Variants in TRPV3 observed in about 807,000 individuals in gnomAD.
The protein encoded by TRPV3 is VRL-3.
Under a neutral mutation model 87.1 loss-of-function variants are expected in TRPV3, and 88 were observed. The observed-to-expected ratio is 1.01, with a 90% CI of 0.85 to 1.21. TRPV3 has a LOEUF of 1.21. TRPV3 is among the 50% of genes most tolerant of loss of function. The pLI, the probability that TRPV3 is intolerant of heterozygous loss-of-function variation, is 0.00. For missense variants in TRPV3, 1,054 were observed against 1,030.1 expected (o/e 1.02, Z -0.32); for synonymous variants, 438 against 423.3 (o/e 1.03, Z -0.43).
intron 8 of TRPV3, among the ~76,000 whole-genome samples, chr17:3,532,402 G>A (rs1343365257): frequency 6.6e-6 from 1 of 152,256 alleles, no homozygotes; most frequent in Non-Finnish European, 1.5e-5. Context: ...GCCCTCCCAG[G>A]ACAAGAGATG....
intron 2 of TRPV3, among the ~76,000 whole-genome samples, chr17:3,549,735 T>TGGA (rs1252673106): frequency 7.1e-6 from 1 of 141,246 alleles, no homozygotes; most frequent in South Asian, 2.3e-4. Flanking sequence ...GGATGGAGGA[T>TGGA]GGATGGATGG....
At position 3,543,562 on chromosome 17, in the gene TRPV3, G is replaced by A. The variant is rs140213732; in HGVS notation, c.378C>T (p.Ala126=). ...ACTCCTCCACGCAGCCCTCAGACACGGCTGCAAAGATGCGCTTCTTCAGCC... is the reference window on the plus strand; with the variant it reads ...ACTCCTCCACGCAGCCCTCAGACACAGCTGCAAAGATGCGCTTCTTCAGCC... ...KRRLKKRIFA[A]VSEGCVEELV... is the part of the protein sequence containing the mutation. Residue 126 remains alanine (A), a synonymous_variant, in exon 5 of 18, where the codon GCC becomes GCT. Coordinates refer to ENST00000576742, the MANE Select transcript of TRPV3 (RefSeq NM_145068.4). The A allele has an allele frequency of 1.4e-4, 224 of 1,614,088 alleles. 3 individuals carry two copies. In the East Asian group the frequency reaches 4.7e-3, roughly 34 times the overall value.
At chr17:3,549,652 A>T (rs1296360340) in intron 2 of TRPV3, among the ~76,000 whole-genome samples, 1 of 152,062 alleles carries the variant, frequency 6.6e-6, no homozygotes, top group Non-Finnish European at 1.5e-5. Flanking sequence ...TGGGTGGATG[A>T]TGGATGGATG....
intron 6 of TRPV3, among the ~76,000 whole-genome samples, chr17:3,541,280 A>C (rs1047502653): frequency 7.9e-5 from 12 of 152,238 alleles, no homozygotes; most frequent in Non-Finnish European, 1.5e-4. Flanking sequence ...AGGCAGGAGA[A>C]TCGCTTGAAC....
In TRPV3 at chr17:3,542,546, C is replaced by G. The variant is rs770182855; in HGVS notation, c.619G>C (p.Glu207Gln). The part of the protein sequence containing the change: ...NDILGRFINA[E>Q]YTEEAYEGQT... ...CCTTCATAGGCCTCCTCTGTGTACT[C>G]GGCGTTGATGAACCTGCCCAGGATG... Residue 207 changes from glutamate (E) to glutamine (Q), a missense_variant, in exon 6 of 18, where the codon GAG becomes CAG. Physicochemically the swap from Glu to Gln is conservative, Grantham distance 29. Coordinates refer to ENST00000576742, the MANE Select transcript of TRPV3 (RefSeq NM_145068.4). The G allele has an allele frequency of 1.9e-6, 3 of 1,613,976 alleles. No homozygotes were observed. The Admixed American group carries it at 5.0e-5, about 27-fold the overall frequency.
chr17:3,539,297 TA>T lies in TRPV3; in HGVS notation c.643+3224del, dbSNP rs986583611. On this transcript the variant is annotated intron_variant, in intron 6 of 17. Transcript: ENST00000576742. ...CCACAAAGTATATGGGTAAAGGACT[TA>T]AAAAAAAAAAAAGTATGTAAAATGC... Among the ~76,000 whole-genome samples, 423 of 143,528 alleles carry T rather than the reference TA, an allele frequency of 2.9e-3. 3 individuals are homozygous for T. The highest frequency in any genetic ancestry group is 0.025 in the East Asian group (125 of 5,000). The allele number at this position is 143,528 out of a possible 152,430, so 94.2% of individuals were successfully genotyped here. A position where few individuals can be genotyped will look rare whatever the true frequency, so the allele number is the denominator to read the frequency against.
intron 12 of TRPV3, among the ~76,000 whole-genome samples, chr17:3,525,605 T>C (rs2074292364): frequency 6.6e-6 from 1 of 151,274 alleles, no homozygotes; most frequent in East Asian, 1.9e-4. Context: ...ATGCTATGTG[T>C]ATTTTACCAC....
chr17:3,528,419 C>T lies in TRPV3; in HGVS notation c.1402-293G>A, dbSNP rs1366865243. ...AACCCATCCATATCCAGGCACTCAA[C>T]ATGGCCTCACAGCACCGTTAAATAA... On this transcript the variant is annotated intron_variant, in intron 10 of 17. Transcript: ENST00000576742. The surrounding 1 kb of genome is among the most constrained non-coding windows in gnomAD (Gnocchi z 4.2). 1.3e-5 allele frequency among the ~76,000 whole-genome samples: 2 copies of T among 152,242 alleles called. No individual in the cohort carries two copies. Among genetic ancestry groups the T allele is most frequent in the Non-Finnish European group, 2.9e-5 (2 of 68,044 alleles).
In TRPV3 at chr17:3,528,298, C is replaced by G. The variant is rs2074318168; in HGVS notation, c.1402-172G>C. Among the ~76,000 whole-genome samples the G allele has an allele frequency of 6.6e-6, 1 of 152,168 alleles. No homozygotes were observed. Among genetic ancestry groups the G allele is most frequent in the African/African-American group, 2.4e-5 (1 of 41,432 alleles). ...GAAGAGCAGCTCCCTGACCCCAACT[C>G]TCCTCACCCTTGATGGAAACCCAGA... On this transcript the variant is annotated intron_variant, in intron 10 of 17. Transcript: ENST00000576742. The surrounding 1 kb of genome is among the most constrained non-coding windows in gnomAD (Gnocchi z 4.2).
At chr17:3,525,434 AG>A (rs541373584) in intron 12 of TRPV3, among the ~76,000 whole-genome samples, 142 of 152,290 alleles carry the variant, frequency 9.3e-4, no homozygotes, top group Middle Eastern at 3.4e-3. Flanking sequence ...TGGTGGTTAC[AG>A]GGGGCCGGGA....
intron 17 of TRPV3, 172 bp downstream of exon 17, chr17:3,514,409 CGCCATTTTAAAA>C: frequency 1.7e-6 from 1 of 603,390 alleles, no homozygotes; most frequent in South Asian, 2.0e-5. Context: ...CTTAGGGCTA[CGCCATTTTAAAA>C]GTTGTGCCAA....
chr17:3,542,713 A>G lies in TRPV3; in HGVS notation c.467-15T>C. ...CATGAGGAAGTCTGCAGGCAGGGCC[A>G]TGGGTGGAGTTACAGGAGGGCCCCG... On this transcript the variant is annotated splice_polypyrimidine_tract_variant and intron_variant, in intron 5 of 17. Coordinates refer to ENST00000576742, the MANE Select transcript of TRPV3 (RefSeq NM_145068.4). The G allele has an allele frequency of 1.2e-6, 2 of 1,611,644 alleles. No individual in the cohort carries two copies. Among genetic ancestry groups the G allele is most frequent in the Non-Finnish European group, 1.7e-6 (2 of 1,178,788 alleles).
intron 2 of TRPV3, 134 bp downstream of exon 2, chr17:3,554,598 C>T (rs1597495852): frequency 2.3e-5 from 15 of 659,182 alleles, no homozygotes; most frequent in South Asian, 1.5e-4. Flanking sequence ...CATACCTCGC[C>T]GGGCACCGGG....
intron 13 of TRPV3, among the ~76,000 whole-genome samples, chr17:3,522,820 C>CAAAAAAAAAAAAAAAAAAAAAAA (rs772785322): frequency 1.5e-5 from 1 of 64,706 alleles, no homozygotes. Flanking sequence ...CAGTCACAAA[C>CAAAAAAAAAAAAAAAAAAAAAAA]AAAAAAAAAA....
intron 1 of TRPV3, among the ~76,000 whole-genome samples, chr17:3,555,058 C>G (rs112591128): frequency 1.3e-5 from 2 of 152,308 alleles, no homozygotes; most frequent in African/African-American, 4.8e-5. Context: ...CTAGCACCCC[C>G]AAATGCTATG....
chr17:3,549,465 C>T (rs2074553141), intron 2 of TRPV3, among the ~76,000 whole-genome samples: 1 of 152,206 alleles, frequency 6.6e-6, no homozygotes, highest in Non-Finnish European at 1.5e-5. Flanking sequence ...GCAGAGACTA[C>T]AGTTGAATTA....
In TRPV3 at chr17:3,518,779, C is replaced by T. The variant is rs75319568; in HGVS notation, c.1882G>A (p.Ala628Thr). 0.017 allele frequency: 26,754 copies of T among 1,614,038 alleles called. 2,119 individuals carry two copies. The East Asian group carries it at 0.26, about 16-fold the overall frequency. ...DCSSYGSFSD[A>T]VLELFKLTIG... ...GTGAGCTTGAAGAGTTCCAGCACTG[C>T]GTCGCTGAAGCTGCCGTAGGAGCTG... The change falls in exon 15 of 18, where the codon GCA (alanine) becomes ACA (threonine). Residue 628 changes from alanine to threonine, a missense_variant. Ala to Thr is a moderately conservative substitution (Grantham distance 58, BLOSUM62 0). Coordinates refer to ENST00000576742, the MANE Select transcript of TRPV3 (RefSeq NM_145068.4). The surrounding 1 kb of genome is among the most constrained non-coding windows in gnomAD (Gnocchi z 4.3).
intron 1 of TRPV3, among the ~76,000 whole-genome samples, chr17:3,555,461 G>C (rs141436634): frequency 6.6e-6 from 1 of 152,116 alleles, no homozygotes; most frequent in African/African-American, 2.4e-5. Flanking sequence ...CCAACACACC[G>C]ATCATCTCCC....
In TRPV3 at chr17:3,536,986, A is replaced by G. The variant is rs571554221; in HGVS notation, c.644-1273T>C. Among the ~76,000 whole-genome samples, 291 of 152,358 alleles carry G rather than the reference A, an allele frequency of 1.9e-3. 2 individuals carry two copies. Among genetic ancestry groups the G allele is most frequent in the South Asian group, 0.012 (57 of 4,834 alleles). On this transcript the variant is annotated intron_variant, in intron 6 of 17. Transcript: ENST00000576742. ...ATTAAAGAACCAAGCTTTAAGACACATTAGAAAGTTTGTTTATAGCTAACC... is the reference window on the plus strand; with the variant it reads ...ATTAAAGAACCAAGCTTTAAGACACGTTAGAAAGTTTGTTTATAGCTAACC...
Sources: allele counts gnomAD v4.1 joint callset (sites outside exome capture counted in the v4.1 genomes callset), GRCh38; gene constraint gnomAD v4.1.1; non-coding constraint Gnocchi (gnomAD v3.1); transcripts MANE v1.5; gene names NCBI Gene and HGNC (gene_info 2026-07-23, HGNC 2026-07-21).